Variants in CRK observed in about 807,000 individuals in gnomAD.
CRK encodes adapter molecule crk.
Under a neutral mutation model 29.8 loss-of-function variants are expected in CRK, and 4 were observed. The observed-to-expected ratio is 0.13, with a 90% confidence interval of 0.07 to 0.31. The LOEUF (loss-of-function observed/expected upper bound fraction) is 0.31. Among genes scored for constraint, CRK ranks in the 10% least tolerant of loss-of-function variants. The probability of loss-of-function intolerance (pLI) is 1.00; values close to 1 mark genes in which losing one functional copy is unlikely to be tolerated. For missense variants in CRK, 274 were observed against 396.5 expected (o/e 0.69, Z 2.62); for synonymous variants, 153 against 164.9 (o/e 0.93, Z 0.55).
chr17:1,435,236 G>C (rs1455074229), intron 2 of CRK, among the ~76,000 whole-genome samples: 1 of 151,838 alleles, frequency 6.6e-6, no homozygotes, highest in Non-Finnish European at 1.5e-5. Context: ...ATTTTTTGTA[G>C]AGATGGTGTT....
chr17:1,446,216 C>T (rs940640713), intron 1 of CRK, among the ~76,000 whole-genome samples: 13 of 152,256 alleles, frequency 8.5e-5, no homozygotes, highest in South Asian at 4.1e-4. Flanking sequence ...AGCGGCACGT[C>T]TTAGGAAGAC....
intron 1 of CRK, among the ~76,000 whole-genome samples, chr17:1,453,743 C>T (rs2074035919): frequency 6.6e-6 from 1 of 152,006 alleles, no homozygotes. Flanking sequence ...CCCAACCCTA[C>T]TAAAAATACA....
chr17:1,423,254 C>T lies in CRK; in HGVS notation c.*259G>A. On this transcript the variant is annotated 3_prime_UTR_variant, in exon 3 of 3. Transcript: ENST00000300574. ...AGAGAAAGGAGGCAAGATACCTATCCCTTCTGATACACACAGGCACGACCA... is the reference window on the plus strand; with the variant it reads ...AGAGAAAGGAGGCAAGATACCTATCTCTTCTGATACACACAGGCACGACCA... 1.9e-6 allele frequency: 1 copy of T among 531,896 alleles called. No individual in the cohort carries two copies. The highest frequency in any genetic ancestry group is 3.5e-5 in the Admixed American group (1 of 28,218). The allele number at this position is 531,896 out of a possible 1,614,324, so 32.9% of individuals were successfully genotyped here. A position where few individuals can be genotyped will look rare whatever the true frequency, so the allele number is the denominator to read the frequency against.
intron 1 of CRK, among the ~76,000 whole-genome samples, chr17:1,448,639 AAAAG>A (rs1343911549): frequency 0.012 from 624 of 50,904 alleles, 81 homozygotes; most frequent in African/African-American, 0.021. Context: ...AAAAAAAAAA[AAAAG>A]AAAAAGTGGC....
At chr17:1,444,648 G>C (rs1446689679) in intron 1 of CRK, among the ~76,000 whole-genome samples, 2 of 147,650 alleles carry the variant, frequency 1.4e-5, no homozygotes, top group South Asian at 2.2e-4. Context: ...GACCAACATG[G>C]AGAAACCCCG....
In CRK at chr17:1,421,614, T is replaced by C. The variant is rs907740823; in HGVS notation, c.*1899A>G. 2 of 152,198 alleles carry C rather than the reference T, an allele frequency of 1.3e-5. No homozygotes were observed. Among genetic ancestry groups the C allele is most frequent in the South Asian group, 2.1e-4 (1 of 4,834 alleles). The allele number at this position is 152,198 out of a possible 1,614,324, so 9.4% of individuals were successfully genotyped here. A position where few individuals can be genotyped will look rare whatever the true frequency, so the allele number is the denominator to read the frequency against. On this transcript the variant is annotated 3_prime_UTR_variant, in exon 3 of 3. Coordinates refer to ENST00000300574, the MANE Select transcript of CRK (RefSeq NM_016823.4). The stretch of plus-strand genomic sequence containing the variant: ...CAACGCGTTAGTCTGCTTGCGGCCA[T>C]GTACGGAATCCTGGGCCAGCTGGCT...
chr17:1,451,215 A>G (rs1368207069), intron 1 of CRK, among the ~76,000 whole-genome samples: 3 of 149,994 alleles, frequency 2.0e-5, no homozygotes, highest in Non-Finnish European at 4.4e-5. Context: ...AAAAAAAGCA[A>G]TAACAATTTT....
Position 1,449,238 on chromosome 17 carries a change from G to A in CRK, c.241+6639C>T, listed in dbSNP as rs113716064. ...CATCTTATTTCCAAGTGCTGGACCCGAGGTCCTTTCACACTTACGGATGCA... is the reference window on the plus strand; with the variant it reads ...CATCTTATTTCCAAGTGCTGGACCCAAGGTCCTTTCACACTTACGGATGCA... On this transcript the variant is annotated intron_variant, in intron 1 of 2. Transcript: ENST00000300574. Among the ~76,000 whole-genome samples the A allele has an allele frequency of 3.4e-3, 517 of 152,168 alleles. 2 individuals are homozygous for A. The highest frequency in any genetic ancestry group is 0.012 in the African/African-American group (489 of 41,522).
At chr17:1,444,666 T>TAA (rs559826976) in intron 1 of CRK, among the ~76,000 whole-genome samples, 68 of 137,822 alleles carry the variant, frequency 4.9e-4, no homozygotes, top group African/African-American at 1.6e-3. Flanking sequence ...CCGTCTTTAC[T>TAA]AAAAAAAAAA....
At chr17:1,448,415 G>T (rs555580778) in intron 1 of CRK, among the ~76,000 whole-genome samples, 5 of 152,096 alleles carry the variant, frequency 3.3e-5, no homozygotes, top group Non-Finnish European at 5.9e-5. Flanking sequence ...ACTGAGGTCA[G>T]GAGTTCAAGA....
intron 1 of CRK, among the ~76,000 whole-genome samples, chr17:1,442,116 G>C (rs2073939930): frequency 6.7e-6 from 1 of 150,262 alleles, no homozygotes; most frequent in Non-Finnish European, 1.5e-5. Flanking sequence ...CTCTGCCTCC[G>C]AAAGTGCTGG....
At chr17:1,440,451 A>T (rs572943143) in intron 1 of CRK, among the ~76,000 whole-genome samples, 198 of 152,156 alleles carry the variant, frequency 1.3e-3, no homozygotes, top group African/African-American at 4.3e-3. Flanking sequence ...GGACCGAGCA[A>T]GACCTTGACT....
At chr17:1,453,254 T>A (rs1193249346) in intron 1 of CRK, among the ~76,000 whole-genome samples, 1 of 152,204 alleles carries the variant, frequency 6.6e-6, no homozygotes, top group South Asian at 2.1e-4. Flanking sequence ...TGAGTTCTTA[T>A]CTGTTTTGAA....
intron 2 of CRK, among the ~76,000 whole-genome samples, chr17:1,428,005 G>T (rs978710747): frequency 6.6e-6 from 1 of 151,896 alleles, no homozygotes; most frequent in African/African-American, 2.4e-5. Context: ...AGAGGTGAAG[G>T]GTAGGTTGAA....
At chr17:1,449,815 C>A (rs2074003789) in intron 1 of CRK, among the ~76,000 whole-genome samples, 1 of 152,168 alleles carries the variant, frequency 6.6e-6, no homozygotes, top group South Asian at 2.1e-4. Context: ...CCACAGGAAG[C>A]CTATGCAAGC....
chr17:1,424,642 T>G (rs2073759635), intron 2 of CRK: 1 of 152,008 alleles, frequency 6.6e-6, no homozygotes, highest in African/African-American at 2.4e-5. Context: ...AGCCCCCAAA[T>G]CCCACCATCG....
chr17:1,453,491 T>C (rs2074033967), intron 1 of CRK, among the ~76,000 whole-genome samples: 1 of 152,160 alleles, frequency 6.6e-6, no homozygotes, highest in Non-Finnish European at 1.5e-5. Flanking sequence ...GTAGAATATA[T>C]CTGGTTCAGG....
At chr17:1,451,256 G>A (rs886841653) in intron 1 of CRK, among the ~76,000 whole-genome samples, 1 of 146,552 alleles carries the variant, frequency 6.8e-6, no homozygotes, top group East Asian at 2.0e-4. Flanking sequence ...ACTTTAGATA[G>A]CAGATGTGTA....
chr17:1,451,936 G>C (rs532137662), intron 1 of CRK, among the ~76,000 whole-genome samples: 4 of 152,246 alleles, frequency 2.6e-5, no homozygotes, highest in South Asian at 2.1e-4. Flanking sequence ...AGTGAGCCGA[G>C]ACTGCACCAC....
Sources: allele counts gnomAD v4.1 joint callset (sites outside exome capture counted in the v4.1 genomes callset), GRCh38; gene constraint gnomAD v4.1.1; transcripts MANE v1.5; gene names NCBI Gene and HGNC (gene_info 2026-07-23, HGNC 2026-07-21).